Variants in FREM2 observed in about 807,000 individuals in gnomAD.
The protein encoded by FREM2 is FRAS1-related extracellular matrix protein 2.
In FREM2, 119 loss-of-function variants were observed where a neutral mutation model predicts 219.9. The observed-to-expected ratio is 0.54, with a 90% CI of 0.47 to 0.63. The LOEUF (loss-of-function observed/expected upper bound fraction) is 0.63. Ranked by LOEUF, FREM2 falls within the 30% of genes least tolerant of loss-of-function variation. The pLI is 0.00. For missense variants in FREM2, 4,030 were observed against 3,993.6 expected, an observed-to-expected ratio of 1.01 and a Z score of -0.25; for synonymous variants, 1,562 against 1,522.8, an observed-to-expected ratio of 1.03 and a Z score of -0.60.
rs1166986507 is a variant in FREM2 at position 38,687,151 on chromosome 13, C to A, written c.-194C>A. On this transcript the variant is annotated 5_prime_UTR_variant, in exon 1 of 24. Coordinates refer to ENST00000280481, the MANE Select transcript of FREM2 (RefSeq NM_207361.6). ...GCTGGACGGCCTGGGAAGGCTTCGG[C>A]TCCTCGGCTGCGGCTCCAGCCCGGA... 6 of 709,890 alleles carry A rather than the reference C, an allele frequency of 8.5e-6. No homozygotes were observed. The highest frequency in any genetic ancestry group is 1.8e-5 in the African/African-American group (1 of 56,048). 44.0% of individuals were successfully genotyped at this position (709,890 alleles called of 1,614,324 possible).
intron 2 of FREM2, among the ~76,000 whole-genome samples, chr13:38,704,584 G>A (rs1173428926): frequency 6.6e-6 from 1 of 152,192 alleles, no homozygotes; most frequent in Non-Finnish European, 1.5e-5. Flanking sequence ...AACCAGAGAA[G>A]GTAACAAGAT....
chr13:38,712,450 A>G (rs748468140), intron 2 of FREM2, among the ~76,000 whole-genome samples: 4 of 152,214 alleles, frequency 2.6e-5, no homozygotes, highest in Non-Finnish European at 5.9e-5. Context: ...TTCTTCCTCA[A>G]GGACAATATA....
intron 2 of FREM2, among the ~76,000 whole-genome samples, chr13:38,698,121 T>G (rs1048322982): frequency 1.8e-4 from 27 of 152,306 alleles, no homozygotes; most frequent in African/African-American, 6.0e-4. Flanking sequence ...ATGTTGGAAT[T>G]CAGCTGCAGT....
chr13:38,842,007 T>A (rs115067603), intron 6 of FREM2, among the ~76,000 whole-genome samples: 4,979 of 152,070 alleles, frequency 0.033, 126 homozygotes, highest in Middle Eastern at 0.075. Context: ...CCCACAGAAG[T>A]GACTTCTCAA....
chr13:38,739,573 G>T (rs1403675114), intron 2 of FREM2, among the ~76,000 whole-genome samples: 1 of 151,996 alleles, frequency 6.6e-6, no homozygotes, highest in East Asian at 1.9e-4. Context: ...AGCTCACCCT[G>T]ATCATCCTTC....
At chr13:38,826,368 T>C (rs953213137) in intron 6 of FREM2, among the ~76,000 whole-genome samples, 1 of 152,062 alleles carries the variant, frequency 6.6e-6, no homozygotes, top group Non-Finnish European at 1.5e-5. Context: ...GTGGCACCCC[T>C]GGCTTGCAGA....
chr13:38,809,640 A>G (rs1336404243), intron 6 of FREM2, among the ~76,000 whole-genome samples: 1 of 152,004 alleles, frequency 6.6e-6, no homozygotes, highest in Non-Finnish European at 1.5e-5. Flanking sequence ...CTGTAGGTGT[A>G]CGGATTGGTT....
intron 6 of FREM2, among the ~76,000 whole-genome samples, chr13:38,786,670 A>G (rs1874341622): frequency 6.6e-6 from 1 of 152,186 alleles, no homozygotes; most frequent in Non-Finnish European, 1.5e-5. Flanking sequence ...ACTTTAGTTC[A>G]GTTTGTTTTT....
chr13:38,688,351 C>A lies in FREM2; in HGVS notation c.1007C>A (p.Thr336Lys). 6.2e-7 allele frequency: 1 copy of A among 1,614,172 alleles called. No homozygotes were observed. Residue 336 changes from threonine (T) to lysine (K), a missense_variant, in exon 1 of 24, where the codon ACG (threonine) becomes AAG (lysine). By Grantham distance (78) the Thr-to-Lys change is moderately conservative. Around this residue, in one of 2 missense-constraint regions of FREM2, gnomAD observed 3,102 missense variants for 2,950.7 expected, o/e 1.05. Coordinates refer to ENST00000280481, the MANE Select transcript of FREM2 (RefSeq NM_207361.6). ...ATGGAGGTGGACCAGTTTGTACTGA[C>A]GGCCCTGACCCCAGACATGCTGGCA... Reference protein sequence around the residue: ...MMMEVDQFVLTALTPDMLAAE... With the variant: ...MMMEVDQFVLKALTPDMLAAE...
At position 38,692,349 on chromosome 13, in the gene FREM2, A is replaced by C. The variant is rs1237809987; in HGVS notation, c.5005A>C (p.Thr1669Pro). ...GAATAAGGGGGCCTCTACACTTCGC[A>C]CTCTAGCCACTGGCCACTTGGGGTT... Reference protein sequence around the residue: ...AVNKGASTLRTLATGHLGFMI... With the variant: ...AVNKGASTLRPLATGHLGFMI... Residue 1669 changes from threonine (T) to proline (P), a missense_variant, in exon 1 of 24, where the codon ACT becomes CCT. This residue lies in a region of FREM2 where 3,102 missense variants were observed against 2,950.7 expected (regional missense o/e 1.05). Coordinates refer to ENST00000280481, the MANE Select transcript of FREM2 (RefSeq NM_207361.6). 1.2e-6 allele frequency: 2 copies of C among 1,603,572 alleles called. No homozygotes were observed. The highest frequency in any genetic ancestry group is 8.5e-7 in the Non-Finnish European group (1 of 1,174,380).
chr13:38,755,845 G>A (rs192826539), intron 2 of FREM2, among the ~76,000 whole-genome samples: 1 of 152,322 alleles, frequency 6.6e-6, no homozygotes, highest in Non-Finnish European at 1.5e-5. Flanking sequence ...TTCATTCCAT[G>A]CATATCACTT....
intron 6 of FREM2, among the ~76,000 whole-genome samples, chr13:38,815,770 G>GT (rs1239323734): frequency 6.6e-6 from 1 of 152,198 alleles, no homozygotes; most frequent in Non-Finnish European, 1.5e-5. Context: ...AGATCCCATA[G>GT]TGAGAGATCC....
intron 2 of FREM2, among the ~76,000 whole-genome samples, chr13:38,754,426 G>A (rs140217604): frequency 6.6e-6 from 1 of 152,170 alleles, no homozygotes; most frequent in East Asian, 1.9e-4. Flanking sequence ...CCTGCAAATA[G>A]GATATTCACC....
At chr13:38,815,587 C>T (rs1331811117) in intron 6 of FREM2, among the ~76,000 whole-genome samples, 2 of 152,134 alleles carry the variant, frequency 1.3e-5, no homozygotes, top group Admixed American at 1.3e-4. Flanking sequence ...AATTTGATAA[C>T]ATAGTCCATT....
Position 38,783,189 on chromosome 13 carries a change from C to G in FREM2, c.5761C>G (p.Gln1921Glu). 6.2e-7 allele frequency: 1 copy of G among 1,613,992 alleles called. No individual in the cohort carries two copies. ...GGAGTTGATGGTGGTCTGTTATACC[C>G]AACAAGGTAGCTCGATTTGCCGAAA... is the stretch of plus-strand genomic sequence containing the variant. ...SQELMVVCYTQQGTATGTVPT... is the reference protein window; with the variant it reads ...SQELMVVCYTEQGTATGTVPT... The change falls in exon 5 of 24, where the codon CAA (glutamine) becomes GAA (glutamate). Residue 1921 changes from glutamine (Q) to glutamate (E), a missense_variant. By Grantham distance (29) the Gln-to-Glu change is conservative. Transcript: ENST00000280481.
chr13:38,809,357 T>C (rs538257650), intron 6 of FREM2, among the ~76,000 whole-genome samples: 29 of 151,928 alleles, frequency 1.9e-4, no homozygotes, highest in African/African-American at 6.8e-4. Context: ...ATTTTTGTTT[T>C]GGCTGCCTGT....
At chr13:38,856,435 A>G (rs1356538893) in intron 12 of FREM2, among the ~76,000 whole-genome samples, 179 bp downstream of exon 12, 2 of 152,204 alleles carry the variant, frequency 1.3e-5, no homozygotes, top group Non-Finnish European at 2.9e-5. Flanking sequence ...ATCATAGTCA[A>G]GAAATGTGCA....
intron 6 of FREM2, among the ~76,000 whole-genome samples, chr13:38,808,629 A>G (rs950466293): frequency 6.6e-6 from 1 of 151,900 alleles, no homozygotes; most frequent in Admixed American, 6.6e-5. Flanking sequence ...TTGGTGGAAC[A>G]CTCAGGACAA....
At chr13:38,741,133 A>G (rs905736296) in intron 2 of FREM2, among the ~76,000 whole-genome samples, 2 of 152,230 alleles carry the variant, frequency 1.3e-5, no homozygotes, top group African/African-American at 4.8e-5. Context: ...CACATCAGAC[A>G]GAGTAATTGG....
Sources: allele counts gnomAD v4.1 joint callset (sites outside exome capture counted in the v4.1 genomes callset), GRCh38; gene constraint gnomAD v4.1.1; regional missense constraint gnomAD v4.1.1; transcripts MANE v1.5; gene names NCBI Gene and HGNC (gene_info 2026-07-23, HGNC 2026-07-21).